PPFIA1: variants seen among roughly 807,000 people sequenced by gnomAD.
PPFIA1 encodes the protein PPFI scaffold protein A1.
Under a neutral mutation model 149.9 loss-of-function variants are expected in PPFIA1, and 25 were observed. The ratio of observed to expected loss-of-function variants is 0.17; its 90% CI spans 0.12 to 0.23. PPFIA1 has a LOEUF of 0.23. Ranked by LOEUF, PPFIA1 falls within the 10% of genes least tolerant of loss-of-function variation. The pLI, the probability that PPFIA1 is intolerant of heterozygous loss-of-function variation, is 1.00. For missense variants in PPFIA1, 1,362 were observed against 1,506.5 expected, an observed-to-expected ratio of 0.90 and a Z score of 1.59; for synonymous variants, 549 against 552.8, an observed-to-expected ratio of 0.99 and a Z score of 0.10.
At position 70,348,389 on chromosome 11, in the gene PPFIA1, G is replaced by T; in HGVS notation, c.2132G>T (p.Arg711Leu). Residue 711 changes from arginine (R) to leucine (L), a missense_variant, in exon 16 of 28, where the codon CGG becomes CTG. Coordinates refer to ENST00000253925, the MANE Select transcript of PPFIA1 (RefSeq NM_003626.5). ...TPRRIPHSPA[R>L]EVDRLGVMTL... ...CGAAGGATCCCTCACAGCCCAGCTC[G>T]GGAAGTGGACAGACTGGGCGTCATG... is the stretch of plus-strand genomic sequence containing the variant. The T allele has an allele frequency of 6.2e-7, 1 of 1,613,488 alleles. No homozygotes were observed. Among genetic ancestry groups the T allele is most frequent in the African/African-American group, 1.3e-5 (1 of 75,018 alleles).
chr11:70,333,626 A>C, intron 10 of PPFIA1, 73 bp downstream of exon 10: 84 of 1,169,180 alleles, frequency 7.2e-5, no homozygotes, highest in Non-Finnish European at 9.4e-5. Context: ...TGGGGAGCTC[A>C]GGGCCTCCCA....
chr11:70,326,879 A>C, intron 7 of PPFIA1, 61 bp downstream of exon 7: 1 of 1,413,554 alleles, frequency 7.1e-7, no homozygotes, highest in Non-Finnish European at 9.9e-7. Context: ...CGTTTTAGTT[A>C]AATGATTTTT....
intron 22 of PPFIA1, 36 bp downstream of exon 22, chr11:70,372,426 A>T (rs371014903): frequency 6.2e-7 from 1 of 1,613,398 alleles, no homozygotes; most frequent in East Asian, 2.2e-5. Context: ...TAATTGGCTA[A>T]GATTTTTCAC....
intron 2 of PPFIA1, among the ~76,000 whole-genome samples, chr11:70,280,635 A>G (rs1046575068): frequency 6.6e-6 from 1 of 152,166 alleles, no homozygotes; most frequent in Admixed American, 6.5e-5. Flanking sequence ...GCGCGTGATC[A>G]CTGTTCACTG....
chr11:70,312,217 C>T lies in PPFIA1; in HGVS notation c.265-12185C>T, dbSNP rs144035649. Among the ~76,000 whole-genome samples the T allele has an allele frequency of 9.9e-5, 15 of 151,282 alleles. No individual in the cohort carries two copies. The East Asian group carries it at 1.8e-3, about 18-fold the overall frequency. ...TCAAAACAGCCTTGAGCACTGTTGC[C>T]CTGGGCACTGTTGCCCAGGCTGGAG... On this transcript the variant is annotated intron_variant, in intron 2 of 27. Transcript: ENST00000253925.
At chr11:70,300,022 T>C (rs1425993038) in intron 2 of PPFIA1, among the ~76,000 whole-genome samples, 3 of 134,970 alleles carry the variant, frequency 2.2e-5, no homozygotes, top group Non-Finnish European at 4.7e-5. Context: ...CAGATCTCCC[T>C]CCATCAGTGC....
Position 70,375,109 on chromosome 11 carries a change from T to TCTGTGTC in PPFIA1, c.3315+17_3315+23dup, listed in dbSNP as rs755733889. The TCTGTGTC allele has an allele frequency of 1.3e-5, 20 of 1,586,010 alleles. No homozygotes were observed. In the Admixed American group the frequency reaches 3.7e-4, roughly 29 times the overall value. On this transcript the variant is annotated intron_variant, in intron 24 of 27. Coordinates refer to ENST00000253925, the MANE Select transcript of PPFIA1 (RefSeq NM_003626.5). Reference sequence around the variant, plus strand: ...GAACACACAGGTGACGCCAAACCTGTCTGTGTCTGCACTCATTGTTCAGTT... The same window carrying TCTGTGTC: ...GAACACACAGGTGACGCCAAACCTGTCTGTGTCCTGTGTCTGCACTCATTGTTCAGTT...
Position 70,344,546 on chromosome 11 carries a change from C to T in PPFIA1, c.1931+654C>T, listed in dbSNP as rs139822917. Among the ~76,000 whole-genome samples, 304 of 152,318 alleles carry T rather than the reference C, an allele frequency of 2.0e-3. 2 individuals carry two copies. Among genetic ancestry groups the T allele is most frequent in the African/African-American group, 6.8e-3 (284 of 41,578 alleles). On this transcript the variant is annotated intron_variant, in intron 15 of 27. Transcript: ENST00000253925. ...AAAGGAGCGCGTTGCTATCACCTGC[C>T]GCATGTGCAGCCTCCTGCACAGAAG...
chr11:70,271,108 C>T (rs1425890639), intron 1 of PPFIA1, 194 bp downstream of exon 1: 1 of 151,894 alleles, frequency 6.6e-6, no homozygotes, highest in Non-Finnish European at 1.5e-5. Context: ...AGGGACGGCT[C>T]CGGGGACTGC....
chr11:70,348,430 C>T lies in PPFIA1; in HGVS notation c.2163+10C>T, dbSNP rs750144887. 36 of 1,574,170 alleles carry T rather than the reference C, an allele frequency of 2.3e-5. No individual in the cohort carries two copies. Among genetic ancestry groups the T allele is most frequent in the South Asian group, 1.0e-4 (9 of 90,256 alleles). On this transcript the variant is annotated intron_variant, in intron 16 of 27. Coordinates refer to ENST00000253925, the MANE Select transcript of PPFIA1 (RefSeq NM_003626.5). ...GGGCGTCATGACCCTTGTACGTATCCGCCCTTTCCCTGCTGTGGCTGCCCT... is the reference window on the plus strand; with the variant it reads ...GGGCGTCATGACCCTTGTACGTATCTGCCCTTTCCCTGCTGTGGCTGCCCT...
At chr11:70,329,594 G>A (rs932787965) in intron 7 of PPFIA1, among the ~76,000 whole-genome samples, 1 of 152,066 alleles carries the variant, frequency 6.6e-6, no homozygotes, top group Non-Finnish European at 1.5e-5. Flanking sequence ...CTACAGGGGC[G>A]TGCCACCATG....
chr11:70,349,135 CAAAAAAAA>C (rs749436919), intron 16 of PPFIA1, among the ~76,000 whole-genome samples: 2 of 74,604 alleles, frequency 2.7e-5, no homozygotes, highest in East Asian at 4.0e-4. Flanking sequence ...CATCTACTAC[CAAAAAAAA>C]AAAAAAAAAA....
At chr11:70,293,738 A>G (rs1334566485) in intron 2 of PPFIA1, among the ~76,000 whole-genome samples, 1 of 152,284 alleles carries the variant, frequency 6.6e-6, no homozygotes, top group Admixed American at 6.5e-5. Context: ...GTCTTTTTCC[A>G]TAGGTAAAAC....
chr11:70,309,296 A>G (rs541352729), intron 2 of PPFIA1, among the ~76,000 whole-genome samples: 65 of 151,974 alleles, frequency 4.3e-4, no homozygotes, highest in Middle Eastern at 3.4e-3. Context: ...CAGCCTCCCG[A>G]GTAGCTGGGA....
chr11:70,327,131 G>T, intron 7 of PPFIA1: 1 of 278,292 alleles, frequency 3.6e-6, no homozygotes. Flanking sequence ...TAATGTCCTT[G>T]TTTGTAGATT....
chr11:70,283,525 A>T (rs2050903375), intron 2 of PPFIA1, among the ~76,000 whole-genome samples: 1 of 152,138 alleles, frequency 6.6e-6, no homozygotes, highest in African/African-American at 2.4e-5. Flanking sequence ...TTCCCTGTCA[A>T]AGTGATGGGT....
At chr11:70,353,324 A>T (rs987444440) in intron 16 of PPFIA1, among the ~76,000 whole-genome samples, 3 of 152,222 alleles carry the variant, frequency 2.0e-5, no homozygotes, top group East Asian at 1.9e-4. Flanking sequence ...CACCATGATC[A>T]CACCTGCAAA....
chr11:70,366,677 G>A (rs569083370), intron 21 of PPFIA1, among the ~76,000 whole-genome samples: 4 of 152,142 alleles, frequency 2.6e-5, no homozygotes, highest in Admixed American at 6.5e-5. Flanking sequence ...AGGCTTTCCC[G>A]AATGGACTGT....
chr11:70,355,848 G>A (rs1469808264), intron 18 of PPFIA1, 37 bp downstream of exon 18: 3 of 1,577,374 alleles, frequency 1.9e-6, no homozygotes, highest in East Asian at 2.2e-5. Context: ...AGCACCCAGG[G>A]GTCGGGGAGG....
Sources: gnomAD v4.1 joint callset for allele counts (sites outside exome capture counted in the v4.1 genomes callset) on GRCh38, gnomAD v4.1.1 for gene constraint, MANE v1.5 for transcripts, NCBI Gene and HGNC (gene_info 2026-07-23, HGNC 2026-07-21) for gene names.